DIDO1: variants seen among roughly 807,000 people sequenced by gnomAD.
DIDO1 encodes death-inducer obliterator 1.
Under a neutral mutation model 99.4 loss-of-function variants are expected in DIDO1, and 16 were observed. The ratio of observed to expected loss-of-function variants is 0.16; its 90% CI spans 0.11 to 0.24. The LOEUF (loss-of-function observed/expected upper bound fraction) is 0.24. Ranked by LOEUF, DIDO1 falls within the 10% of genes least tolerant of loss-of-function variation. The pLI is 1.00. For synonymous variants in DIDO1, 1,366 were observed against 1,239.1 expected (o/e 1.10, Z -2.15); for missense variants, 2,996 against 3,014.0 (o/e 0.99, Z 0.14).
intron 1 of DIDO1, among the ~76,000 whole-genome samples, chr20:62,916,773 T>A (rs1187264988): frequency 6.6e-6 from 1 of 152,190 alleles, no homozygotes; most frequent in African/African-American, 2.4e-5. Flanking sequence ...ATTGTAACCA[T>A]CTTCACATAA....
Position 62,904,780 on chromosome 20 carries a change from C to CAAAAAA in DIDO1, c.1588+1101_1588+1106dup, listed in dbSNP as rs58039393. Among the ~76,000 whole-genome samples, 70 of 62,614 alleles carry CAAAAAA rather than the reference C, an allele frequency of 1.1e-3. 2 individuals are homozygous for CAAAAAA. The highest frequency in any genetic ancestry group is 3.5e-3 in the African/African-American group (62 of 17,478). 41.1% of individuals were successfully genotyped at this position (62,614 alleles called of 152,430 possible). On this transcript the variant is annotated intron_variant, in intron 6 of 15. Transcript: ENST00000395343. ...GGGTGACAGAGCAAGACTCTTGTCTCAAAAAAAAAAAAAAAAAAAAAAAAA... is the reference window on the plus strand; with the variant it reads ...GGGTGACAGAGCAAGACTCTTGTCTCAAAAAAAAAAAAAAAAAAAAAAAAAAAAAAA...
At chr20:62,931,822 A>AT (rs1445483783) in intron 1 of DIDO1, among the ~76,000 whole-genome samples, 1 of 152,194 alleles carries the variant, frequency 6.6e-6, no homozygotes, top group African/African-American at 2.4e-5. Flanking sequence ...ACAATTAAAG[A>AT]TTTTTTTCTT....
At chr20:62,885,054 C>G (rs1297221148) in intron 15 of DIDO1, among the ~76,000 whole-genome samples, 1 of 152,242 alleles carries the variant, frequency 6.6e-6, no homozygotes, top group Non-Finnish European at 1.5e-5. Flanking sequence ...CTCAAATCCA[C>G]TTTTCGGGTA....
Position 62,906,033 on chromosome 20 carries a change from T to G in DIDO1, c.1442A>C (p.Lys481Thr). Residue 481 changes from lysine to threonine, a missense_variant, in exon 6 of 16, where the codon AAG becomes ACG. Around this residue, in one of 5 missense-constraint regions of DIDO1, gnomAD observed 898 missense variants for 972.7 expected, o/e 0.92. Coordinates refer to ENST00000395343, the MANE Select transcript of DIDO1 (RefSeq NM_001193369.2). ...ACTCCGCGCAGGGACCACCACTGCC[T>G]TCTTCACTGTGGTCTCTTTTTTTTC... ...APEKKETTVK[K>T]AVVVPARSEA... 4 of 1,613,946 alleles carry G rather than the reference T, an allele frequency of 2.5e-6. No homozygotes were observed. Among genetic ancestry groups the G allele is most frequent in the Non-Finnish European group, 3.4e-6 (4 of 1,180,024 alleles).
Position 62,911,441 on chromosome 20 carries a change from C to G in DIDO1, c.172G>C (p.Gly58Arg), listed in dbSNP as rs150124990. Residue 58 changes from glycine to arginine, a missense_variant, in exon 3 of 16, where the codon GGC becomes CGC. By Grantham distance (125) the Gly-to-Arg change is moderately radical (BLOSUM62 -2). This residue lies in a region of DIDO1 where 388 missense variants were observed against 376.6 expected (regional missense o/e 1.03). Coordinates refer to ENST00000395343, the MANE Select transcript of DIDO1 (RefSeq NM_001193369.2). This position sits in a 1 kb window ranked among gnomAD's most constrained non-coding sequence, Gnocchi z 7.0. ...LEPPPPQQQL[G>R]LSLRRSGRQP... ...CTCCCACTGCGCCGCAGGGACAGGC[C>G]CAGCTGCTGCTGTGGGGGTGGCGGC... 6.2e-7 allele frequency: 1 copy of G among 1,611,924 alleles called. No homozygotes were observed. Among genetic ancestry groups the G allele is most frequent in the African/African-American group, 1.3e-5 (1 of 74,894 alleles).
Position 62,893,875 on chromosome 20 carries a change from G to T in DIDO1, c.2892C>A (p.Ser964=). The change falls in exon 12 of 16, where the codon TCC becomes TCA. Residue 964 remains serine (S), a synonymous_variant. Transcript: ENST00000395343. ...GSGVVTTVTV[S]GRDPRTAPSS... ...TTGGAGCGGTCCTGGGGTCCCGGCCGGACACTGTGACGGTGGTGACCACCC... is the reference window on the plus strand; with the variant it reads ...TTGGAGCGGTCCTGGGGTCCCGGCCTGACACTGTGACGGTGGTGACCACCC... The T allele has an allele frequency of 1.2e-6, 2 of 1,612,364 alleles. No individual in the cohort carries two copies. Among genetic ancestry groups the T allele is most frequent in the Non-Finnish European group, 1.7e-6 (2 of 1,178,842 alleles).
intron 15 of DIDO1, chr20:62,887,984 G>A: frequency 2.0e-6 from 2 of 985,472 alleles, no homozygotes; most frequent in Non-Finnish European, 2.4e-6. Flanking sequence ...AAGGACAAAT[G>A]TCCTCAGGGA....
intron 1 of DIDO1, among the ~76,000 whole-genome samples, chr20:62,932,284 G>C (rs1426804894): frequency 6.6e-6 from 1 of 152,222 alleles, no homozygotes; most frequent in East Asian, 1.9e-4. Flanking sequence ...CTTGAGCCCA[G>C]GAGTTGAAGG....
At chr20:62,900,142 C>A (rs1325555743) in intron 6 of DIDO1, among the ~76,000 whole-genome samples, 3 of 152,228 alleles carry the variant, frequency 2.0e-5, no homozygotes, top group Non-Finnish European at 4.4e-5. Context: ...TGGTGGTGAC[C>A]TGGTCACACC....
At chr20:62,937,874 TG>T in exon 1 of DIDO1, 1 of 398,478 alleles carries the variant, frequency 2.5e-6, no homozygotes, top group Non-Finnish European at 4.4e-6. Context: ...GCAGCCATCT[TG>T]CCAGAGGGCC....
chr20:62,924,959 A>T (rs2065225331), intron 1 of DIDO1, among the ~76,000 whole-genome samples: 1 of 152,230 alleles, frequency 6.6e-6, no homozygotes. Context: ...CTACAAGAAC[A>T]GACATCTCCT....
chr20:62,881,102 G>T lies in DIDO1; in HGVS notation c.4854C>A (p.Pro1618=). 2.5e-6 allele frequency: 4 copies of T among 1,609,182 alleles called. No individual in the cohort carries two copies. Among genetic ancestry groups the T allele is most frequent in the Non-Finnish European group, 3.4e-6 (4 of 1,179,484 alleles). ...VPEEKEPASS[P]WASGEKPPAG... ...CTGGGGGCTTTTCGCCCGAAGCCCA[G>T]GGGGAAGAGGCTGGCTCTTTTTCCT... Residue 1618 remains proline (P), a synonymous_variant, in exon 16 of 16, where the codon CCC becomes CCA. Coordinates refer to ENST00000395343, the MANE Select transcript of DIDO1 (RefSeq NM_001193369.2). The surrounding 1 kb of genome is among the most constrained non-coding windows in gnomAD (Gnocchi z 8.3).
At position 62,896,466 on chromosome 20, in the gene DIDO1, T is replaced by C. The variant is rs1037286870; in HGVS notation, c.2054+65A>G. On this transcript the variant is annotated intron_variant, in intron 7 of 15. Coordinates refer to ENST00000395343, the MANE Select transcript of DIDO1 (RefSeq NM_001193369.2). The surrounding 1 kb of genome is among the most constrained non-coding windows in gnomAD (Gnocchi z 4.4). Reference sequence around the variant, plus strand: ...AACTTTTTGAACAGTGAGGCAATCCTGCAGCCACACTCTAATGAAAGCCCT... The same window carrying C: ...AACTTTTTGAACAGTGAGGCAATCCCGCAGCCACACTCTAATGAAAGCCCT... The C allele has an allele frequency of 4.4e-6, 7 of 1,587,838 alleles. No homozygotes were observed. In the African/African-American group the frequency reaches 9.6e-5, roughly 22 times the overall value.
intron 5 of DIDO1, among the ~76,000 whole-genome samples, 190 bp downstream of exon 5, chr20:62,906,953 GTTAA>G (rs2064820164): frequency 1.3e-5 from 2 of 152,234 alleles, no homozygotes; most frequent in East Asian, 1.9e-4. Context: ...CTGCACTTGT[GTTAA>G]TTAACCCCTC....
chr20:62,913,860 G>A (rs1027128045), intron 2 of DIDO1, among the ~76,000 whole-genome samples: 6 of 152,206 alleles, frequency 3.9e-5, no homozygotes, highest in Non-Finnish European at 7.3e-5. Context: ...GAGAGAACAG[G>A]CTATTTGCAC....
At chr20:62,887,566 CG>C in intron 15 of DIDO1, 2 of 985,406 alleles carry the variant, frequency 2.0e-6, no homozygotes, top group Non-Finnish European at 2.4e-6. Context: ...GTTTATGGAC[CG>C]AGGTTACTCC....
intron 6 of DIDO1, among the ~76,000 whole-genome samples, chr20:62,901,135 A>G (rs2064666259): frequency 6.6e-6 from 1 of 152,214 alleles, no homozygotes; most frequent in South Asian, 2.1e-4. Context: ...TTGCGGGGAA[A>G]CAGTTACTTC....
At chr20:62,933,427 T>G (rs2065350431) in intron 1 of DIDO1, among the ~76,000 whole-genome samples, 1 of 152,242 alleles carries the variant, frequency 6.6e-6, no homozygotes, top group African/African-American at 2.4e-5. Flanking sequence ...GTGGTTTGAT[T>G]TGCCCAATCT....
At position 62,880,440 on chromosome 20, in the gene DIDO1, G is replaced by A. The variant is rs1407257712; in HGVS notation, c.5516C>T (p.Pro1839Leu). Reference sequence around the variant, plus strand: ...ATCCTTGCGTTCTTCAAATTGGGATGGTGCCACTCCTCGTGGTCCACCAAG... The same window carrying A: ...ATCCTTGCGTTCTTCAAATTGGGATAGTGCCACTCCTCGTGGTCCACCAAG... Reference protein sequence around the residue: ...SYLGGPRGVAPSQFEERKDPH... With the variant: ...SYLGGPRGVALSQFEERKDPH... The change falls in exon 16 of 16, where the codon CCA becomes CTA. Residue 1839 changes from proline (P) to leucine (L), a missense_variant. Pro to Leu is a moderately conservative substitution (Grantham distance 98). Coordinates refer to ENST00000395343, the MANE Select transcript of DIDO1 (RefSeq NM_001193369.2). 1.2e-6 allele frequency: 2 copies of A among 1,612,886 alleles called. No individual in the cohort carries two copies. The highest frequency in any genetic ancestry group is 1.7e-6 in the Non-Finnish European group (2 of 1,180,010).
Sources: allele counts gnomAD v4.1 joint callset (sites outside exome capture counted in the v4.1 genomes callset), GRCh38; gene constraint gnomAD v4.1.1; regional missense constraint gnomAD v4.1.1; non-coding constraint Gnocchi (gnomAD v3.1); transcripts MANE v1.5; gene names NCBI Gene and HGNC (gene_info 2026-07-23, HGNC 2026-07-21).